The following MTUS2 variants were observed in gnomAD, a reference collection of about 807,000 sequenced individuals.
MTUS2 encodes the protein microtubule-associated tumor suppressor candidate 2.
Under a neutral mutation model 114.1 loss-of-function variants are expected in MTUS2, and 40 were observed. That is an observed-to-expected ratio of 0.35 (90% CI 0.27 to 0.46). The LOEUF is 0.46. Ranked by LOEUF, MTUS2 falls within the 20% of genes least tolerant of loss-of-function variation. MTUS2 has a pLI of 1.00. For missense variants in MTUS2, 1,679 were observed against 1,705.4 expected, an observed-to-expected ratio of 0.98 and a Z score of 0.27; for synonymous variants, 688 against 672.0, an observed-to-expected ratio of 1.02 and a Z score of -0.37.
At chr13:29,353,978 G>T (rs1869521564) in intron 7 of MTUS2, among the ~76,000 whole-genome samples, 1 of 152,108 alleles carries the variant, frequency 6.6e-6, no homozygotes. Context: ...TCTCTGTGGA[G>T]CTCAATCCTC....
chr13:28,988,045 A>G (rs1884667803), intron 2 of MTUS2, among the ~76,000 whole-genome samples: 1 of 152,242 alleles, frequency 6.6e-6, no homozygotes, highest in African/African-American at 2.4e-5. Flanking sequence ...GGAGGGACCC[A>G]GGTAGCAGAA....
intron 2 of MTUS2, among the ~76,000 whole-genome samples, chr13:28,873,111 AATAAAT>A (rs1299013348): frequency 6.6e-6 from 1 of 152,238 alleles, no homozygotes; most frequent in African/African-American, 2.4e-5. Flanking sequence ...ATAGAGGCAA[AATAAAT>A]ATATTTTTAG....
At chr13:29,291,694 T>C (rs984373911) in intron 6 of MTUS2, among the ~76,000 whole-genome samples, 2 of 152,208 alleles carry the variant, frequency 1.3e-5, no homozygotes, top group Non-Finnish European at 2.9e-5. Flanking sequence ...CTTGTCCTTC[T>C]TTTTTCATTA....
At chr13:29,282,898 A>C (rs924771516) in intron 6 of MTUS2, among the ~76,000 whole-genome samples, 1 of 152,194 alleles carries the variant, frequency 6.6e-6, no homozygotes, top group Non-Finnish European at 1.5e-5. Flanking sequence ...CAGTGGCTGC[A>C]TGCTGTGGAT....
intron 9 of MTUS2, among the ~76,000 whole-genome samples, chr13:29,448,548 C>A (rs973103525): frequency 6.6e-6 from 1 of 151,682 alleles, no homozygotes; most frequent in African/African-American, 2.4e-5. Flanking sequence ...CCCCCAGTCC[C>A]CAGTACTGCT....
chr13:29,406,792 T>G (rs1195829940), intron 8 of MTUS2, among the ~76,000 whole-genome samples: 4 of 148,216 alleles, frequency 2.7e-5, no homozygotes, highest in Non-Finnish European at 6.0e-5. Flanking sequence ...TTGCCTATTT[T>G]TACTCTATAT....
intron 5 of MTUS2, among the ~76,000 whole-genome samples, chr13:29,266,225 CA>C (rs1456504258): frequency 6.6e-6 from 1 of 152,110 alleles, no homozygotes; most frequent in Non-Finnish European, 1.5e-5. Flanking sequence ...TCCTTTCATA[CA>C]ACAATTCCAA....
chr13:29,370,939 C>T (rs912094398), intron 8 of MTUS2, among the ~76,000 whole-genome samples: 1 of 152,136 alleles, frequency 6.6e-6, no homozygotes, highest in Non-Finnish European at 1.5e-5. Flanking sequence ...AAGAGGGACA[C>T]ATAATGATAA....
At chr13:29,280,584 C>T (rs1365926782) in intron 5 of MTUS2, among the ~76,000 whole-genome samples, 1 of 151,982 alleles carries the variant, frequency 6.6e-6, no homozygotes, top group Non-Finnish European at 1.5e-5. Context: ...TTATGCAGGC[C>T]TTATCTAAAT....
At chr13:28,945,921 A>C (rs1333885188) in intron 2 of MTUS2, among the ~76,000 whole-genome samples, 1 of 152,166 alleles carries the variant, frequency 6.6e-6, no homozygotes, top group Non-Finnish European at 1.5e-5. Context: ...GTTTTCTGGT[A>C]GGTACTCTTT....
Position 29,051,988 on chromosome 13 carries a change from G to A in MTUS2, c.2446+17863G>A, listed in dbSNP as rs571565145. ...AACAATAATTTGACAACACTCACAT[G>A]CAGAACTTCCTTGAAAATCACTTCT... is the stretch of plus-strand genomic sequence containing the variant. On this transcript the variant is annotated intron_variant, in intron 4 of 15. Transcript: ENST00000612955. 2.2e-4 allele frequency among the ~76,000 whole-genome samples: 34 copies of A among 152,322 alleles called. No individual in the cohort carries two copies. In the South Asian group the frequency reaches 5.8e-3, roughly 26 times the overall value.
chr13:29,093,387 G>A (rs1306361321), intron 4 of MTUS2, among the ~76,000 whole-genome samples: 1 of 152,070 alleles, frequency 6.6e-6, no homozygotes, highest in Non-Finnish European at 1.5e-5. Flanking sequence ...AAGTTGCAGT[G>A]AGCCGAGATC....
At chr13:29,435,586 G>A (rs372109063) in intron 8 of MTUS2, among the ~76,000 whole-genome samples, 1 of 152,140 alleles carries the variant, frequency 6.6e-6, no homozygotes, top group African/African-American at 2.4e-5. Context: ...ATGGATGGAG[G>A]AATAACTTTT....
intron 2 of MTUS2, among the ~76,000 whole-genome samples, chr13:29,002,318 A>G (rs1386865118): frequency 6.6e-6 from 1 of 152,198 alleles, no homozygotes; most frequent in East Asian, 1.9e-4. Flanking sequence ...AGTTTTTAGA[A>G]GGTAGGCTAA....
intron 1 of MTUS2, among the ~76,000 whole-genome samples, chr13:28,824,245 C>A (rs547484868): frequency 8.5e-5 from 13 of 152,210 alleles, no homozygotes; most frequent in East Asian, 1.9e-4. Flanking sequence ...TAAAAACTTA[C>A]AATTGTAATT....
At chr13:29,438,691 A>G (rs9579377) in intron 8 of MTUS2, among the ~76,000 whole-genome samples, 4,716 of 152,264 alleles carry the variant, frequency 0.031, 101 homozygotes, top group Middle Eastern at 0.054. Flanking sequence ...CCTTCAGACT[A>G]TAGCAGGGTC....
intron 8 of MTUS2, among the ~76,000 whole-genome samples, chr13:29,410,067 C>A (rs1295965581): frequency 6.6e-6 from 1 of 152,056 alleles, no homozygotes; most frequent in Non-Finnish European, 1.5e-5. Flanking sequence ...TGCATTCACA[C>A]CAGCAACGTT....
At chr13:29,262,314 T>C (rs1436836742) in intron 5 of MTUS2, among the ~76,000 whole-genome samples, 1 of 152,220 alleles carries the variant, frequency 6.6e-6, no homozygotes, top group African/African-American at 2.4e-5. Context: ...ATGCCACAGC[T>C]CTCTCAGATT....
intron 2 of MTUS2, among the ~76,000 whole-genome samples, chr13:28,939,545 C>T (rs1040205318): frequency 1.3e-5 from 2 of 152,024 alleles, no homozygotes; most frequent in African/African-American, 4.8e-5. Flanking sequence ...CAAATGTTTG[C>T]CATGCTACAT....
Sources: gnomAD v4.1 joint callset for allele counts (sites outside exome capture counted in the v4.1 genomes callset) on GRCh38, gnomAD v4.1.1 for gene constraint, MANE v1.5 for transcripts, NCBI Gene and HGNC (gene_info 2026-07-23, HGNC 2026-07-21) for gene names.